GLRA3: variants seen among roughly 807,000 people sequenced by gnomAD.
GLRA3 encodes glycine receptor alpha 3.
GLRA3 carries 44 observed loss-of-function variants against 60.4 expected under a neutral mutation model. The ratio of observed to expected loss-of-function variants is 0.73; its 90% CI spans 0.57 to 0.94. The LOEUF (loss-of-function observed/expected upper bound fraction) is 0.94. Among genes scored for constraint, GLRA3 ranks in the 40% least tolerant of loss-of-function variants. GLRA3 has a pLI of 0.00. For synonymous variants in GLRA3, 223 were observed against 192.9 expected (o/e 1.16, Z -1.29); for missense variants, 508 against 564.6 (o/e 0.90, Z 1.02).
intron 3 of GLRA3, among the ~76,000 whole-genome samples, chr4:174,749,737 C>T (rs1278326713): frequency 6.6e-6 from 1 of 151,984 alleles, no homozygotes; most frequent in Non-Finnish European, 1.5e-5. Flanking sequence ...TCATGACTCT[C>T]CTGAATGTGT....
intron 5 of GLRA3, among the ~76,000 whole-genome samples, chr4:174,698,284 G>T (rs554432917): frequency 7.9e-4 from 120 of 152,014 alleles, no homozygotes; most frequent in Middle Eastern, 3.4e-3. Flanking sequence ...ATCAAACTCC[G>T]GGACAAAAGT....
intron 3 of GLRA3, among the ~76,000 whole-genome samples, chr4:174,738,332 G>A (rs1223941641): frequency 6.6e-6 from 1 of 152,130 alleles, no homozygotes; most frequent in Non-Finnish European, 1.5e-5. Context: ...TCAATCATTA[G>A]ATATTTTCTA....
At chr4:174,686,295 T>A (rs1229701734) in intron 5 of GLRA3, among the ~76,000 whole-genome samples, 1 of 152,206 alleles carries the variant, frequency 6.6e-6, no homozygotes, top group Non-Finnish European at 1.5e-5. Flanking sequence ...TGTTTTAAGA[T>A]CCTTATGCTT....
At position 174,640,558 on chromosome 4, in the gene GLRA3, T is replaced by A. The variant is rs1732601651; in HGVS notation, c.*3228A>T. On this transcript the variant is annotated 3_prime_UTR_variant, in exon 10 of 10. Transcript: ENST00000274093. Reference sequence around the variant, plus strand: ...ATAGTATGGAAGATACATCTAAATCTTTTTTCAAATATTATAACTACTTAA... The same window carrying A: ...ATAGTATGGAAGATACATCTAAATCATTTTTCAAATATTATAACTACTTAA... 1 of 152,076 alleles carries A rather than the reference T, an allele frequency of 6.6e-6. No homozygotes were observed. Among genetic ancestry groups the A allele is most frequent in the Non-Finnish European group, 1.5e-5 (1 of 67,970 alleles). The allele number at this position is 152,076 out of a possible 1,614,324, so 9.4% of individuals were successfully genotyped here.
intron 2 of GLRA3, among the ~76,000 whole-genome samples, chr4:174,783,905 A>C (rs1293033815): frequency 6.6e-6 from 1 of 151,892 alleles, no homozygotes; most frequent in East Asian, 1.9e-4. Flanking sequence ...TGTGGAAGTC[A>C]GTGTGGCGAT....
intron 1 of GLRA3, among the ~76,000 whole-genome samples, chr4:174,823,307 G>A (rs1456261089): frequency 6.6e-6 from 1 of 152,166 alleles, no homozygotes; most frequent in Non-Finnish European, 1.5e-5. Context: ...GGTGGACCGC[G>A]AGGTCAGGAG....
chr4:174,689,294 A>G (rs1281902436), intron 5 of GLRA3, among the ~76,000 whole-genome samples: 2 of 152,186 alleles, frequency 1.3e-5, no homozygotes, highest in Non-Finnish European at 2.9e-5. Context: ...TAATTGTACT[A>G]TTTGCAAGTA....
chr4:174,783,977 C>T (rs955085489), intron 2 of GLRA3, among the ~76,000 whole-genome samples: 4 of 150,468 alleles, frequency 2.7e-5, no homozygotes, highest in Non-Finnish European at 3.0e-5. Context: ...TGGGTATATA[C>T]CCAAAGGACT....
chr4:174,767,814 T>C (rs1327497081), intron 2 of GLRA3, among the ~76,000 whole-genome samples: 1 of 152,070 alleles, frequency 6.6e-6, no homozygotes, highest in Non-Finnish European at 1.5e-5. Flanking sequence ...AGGACTTCCC[T>C]GGACAGGCAC....
At chr4:174,734,748 T>C (rs901821328) in intron 3 of GLRA3, among the ~76,000 whole-genome samples, 2 of 152,124 alleles carry the variant, frequency 1.3e-5, no homozygotes, top group African/African-American at 4.8e-5. Flanking sequence ...AAATATAAGA[T>C]TGAAAATTAA....
intron 3 of GLRA3, among the ~76,000 whole-genome samples, chr4:174,757,608 A>AT (rs1417427702): frequency 6.6e-6 from 1 of 152,212 alleles, no homozygotes; most frequent in Non-Finnish European, 1.5e-5. Flanking sequence ...ATAGCTTAGA[A>AT]TTTTAACTCA....
At chr4:174,822,095 C>CACAGG (rs1740763629) in intron 1 of GLRA3, among the ~76,000 whole-genome samples, 1 of 152,156 alleles carries the variant, frequency 6.6e-6, no homozygotes, top group African/African-American at 2.4e-5. Context: ...GCATGAAAAT[C>CACAGG]TAAAACACAA....
intron 4 of GLRA3, 63 bp from the exon 5 acceptor site, chr4:174,715,633 C>T (rs777628123): frequency 4.0e-6 from 3 of 741,378 alleles, no homozygotes; most frequent in East Asian, 2.7e-5. Context: ...TTCTATTGTA[C>T]AGGAGAAACA....
At chr4:174,826,787 C>G (rs1740988215) in intron 1 of GLRA3, among the ~76,000 whole-genome samples, 1 of 151,046 alleles carries the variant, frequency 6.6e-6, no homozygotes, top group African/African-American at 2.4e-5. Flanking sequence ...CCTTTGTGCT[C>G]AATACATCAG....
intron 2 of GLRA3, among the ~76,000 whole-genome samples, chr4:174,778,439 G>C (rs1022972059): frequency 6.6e-6 from 1 of 151,922 alleles, no homozygotes; most frequent in African/African-American, 2.4e-5. Context: ...CTGATGTGAG[G>C]TTGGTAAAAG....
intron 3 of GLRA3, among the ~76,000 whole-genome samples, chr4:174,733,150 G>A (rs1736620254): frequency 6.6e-6 from 1 of 152,086 alleles, no homozygotes; most frequent in Non-Finnish European, 1.5e-5. Context: ...TGGGTCTCTG[G>A]TAGAGGAAAA....
At chr4:174,685,556 T>G (rs1247169330) in intron 5 of GLRA3, among the ~76,000 whole-genome samples, 1 of 152,182 alleles carries the variant, frequency 6.6e-6, no homozygotes, top group Non-Finnish European at 1.5e-5. Flanking sequence ...TGTGGGAACC[T>G]GAAGGACTGT....
intron 3 of GLRA3, among the ~76,000 whole-genome samples, chr4:174,729,503 G>T (rs1016347414): frequency 6.6e-6 from 1 of 152,180 alleles, no homozygotes; most frequent in Non-Finnish European, 1.5e-5. Context: ...TGGCTAAAGA[G>T]ATTTCCCAAT....
intron 2 of GLRA3, among the ~76,000 whole-genome samples, chr4:174,776,365 A>G (rs1016466730): frequency 6.6e-6 from 1 of 152,124 alleles, no homozygotes; most frequent in Admixed American, 6.6e-5. Context: ...CAAGCTAATC[A>G]CCCCTCAATT....
Sources: allele counts gnomAD v4.1 joint callset (sites outside exome capture counted in the v4.1 genomes callset), GRCh38; gene constraint gnomAD v4.1.1; transcripts MANE v1.5; gene names NCBI Gene and HGNC (gene_info 2026-07-23, HGNC 2026-07-21).